ATF1: variants seen among roughly 807,000 people sequenced by gnomAD.
The protein encoded by ATF1 is cyclic AMP-dependent transcription factor ATF-1.
In ATF1, 16 loss-of-function variants were observed where a neutral mutation model predicts 34.7. The ratio of observed to expected loss-of-function variants is 0.46; its 90% confidence interval spans 0.31 to 0.70. The LOEUF (loss-of-function observed/expected upper bound fraction) is 0.70. Ranked by LOEUF, ATF1 falls within the 30% of genes least tolerant of loss-of-function variation. The pLI is 0.05. For missense variants in ATF1, 255 were observed against 321.6 expected, an observed-to-expected ratio of 0.79 and a Z score of 1.58; for synonymous variants, 105 against 113.1, an observed-to-expected ratio of 0.93 and a Z score of 0.46.
chr12:50,820,379 T>C lies in ATF1; in HGVS notation c.*600T>C, dbSNP rs1474616647. On this transcript the variant is annotated 3_prime_UTR_variant, in exon 7 of 7. Coordinates refer to ENST00000262053, the MANE Select transcript of ATF1 (RefSeq NM_005171.5). ...TAGGTTAATTATTTTTGAGGTCTTA[T>C]CCTAAAAGGCATCTAAGGTACATGA... 1 of 188,280 alleles carries C rather than the reference T, an allele frequency of 5.3e-6. No individual in the cohort carries two copies. Among genetic ancestry groups the C allele is most frequent in the Non-Finnish European group, 1.1e-5 (1 of 89,224 alleles). 11.7% of individuals were successfully genotyped at this position (188,280 alleles called of 1,614,324 possible).
At chr12:50,796,038 A>G in intron 3 of ATF1, 29 bp downstream of exon 3, 1 of 1,530,758 alleles carries the variant, frequency 6.5e-7, no homozygotes, top group South Asian at 1.2e-5. Context: ...GAAGCCCTGC[A>G]TGTTATGATA....
At chr12:50,777,001 C>T (rs1357878494) in intron 1 of ATF1, among the ~76,000 whole-genome samples, 1 of 151,906 alleles carries the variant, frequency 6.6e-6, no homozygotes, top group Admixed American at 6.6e-5. Flanking sequence ...TACAGGCATG[C>T]GACACCATAC....
At chr12:50,780,804 T>C (rs1042707763) in intron 2 of ATF1, among the ~76,000 whole-genome samples, 5 of 151,708 alleles carry the variant, frequency 3.3e-5, no homozygotes, top group African/African-American at 1.2e-4. Flanking sequence ...CTAATAAAAA[T>C]CAAAAATTAG....
At position 50,813,226 on chromosome 12, in the gene ATF1, C is replaced by G. The variant is rs139189926; in HGVS notation, c.329-784C>G. ...TTTCTACACAGTGGCTTTCTGCTAT[C>G]TTTATTAGTGATTTTCACTAGGAAG... On this transcript the variant is annotated intron_variant, in intron 4 of 6. Transcript: ENST00000262053. Among the ~76,000 whole-genome samples the G allele has an allele frequency of 5.1e-3, 780 of 152,222 alleles. 4 individuals carry two copies. Among genetic ancestry groups the G allele is most frequent in the African/African-American group, 0.017 (718 of 41,558 alleles).
intron 1 of ATF1, chr12:50,764,747 G>A (rs1167837037): frequency 2.0e-5 from 3 of 152,256 alleles, no homozygotes; most frequent in Non-Finnish European, 4.4e-5. Flanking sequence ...CAGGGTCCTC[G>A]AAGCGCGTCG....
intron 3 of ATF1, chr12:50,806,547 C>T (rs1256783500): frequency 5.9e-5 from 13 of 220,734 alleles, no homozygotes; most frequent in East Asian, 2.1e-4. Context: ...GCCACGGCAA[C>T]GCCAGATGCA....
At position 50,776,094 on chromosome 12, in the gene ATF1, T is replaced by C. The variant is rs111461231; in HGVS notation, c.-6-4046T>C. Among the ~76,000 whole-genome samples the C allele has an allele frequency of 9.7e-3, 1,474 of 151,974 alleles. 27 individuals are homozygous for C. Among genetic ancestry groups the C allele is most frequent in the African/African-American group, 0.032 (1,343 of 41,470 alleles). ...TTGGGAGGCCGAGGAGGGCGGATCA[T>C]GAGGTCAGGAGATCAAGACCATCCT... On this transcript the variant is annotated intron_variant, in intron 1 of 6. Coordinates refer to ENST00000262053, the MANE Select transcript of ATF1 (RefSeq NM_005171.5).
At chr12:50,799,462 CAA>C (rs1941472512) in intron 3 of ATF1, among the ~76,000 whole-genome samples, 1 of 152,040 alleles carries the variant, frequency 6.6e-6, no homozygotes, top group Admixed American at 6.6e-5. Context: ...GCATAATATT[CAA>C]AGAGTCCAAA....
At chr12:50,787,105 C>T (rs1941201443) in intron 2 of ATF1, among the ~76,000 whole-genome samples, 4 of 152,198 alleles carry the variant, frequency 2.6e-5, no homozygotes, top group South Asian at 2.1e-4. Flanking sequence ...CACACACACA[C>T]CCTAGTGAAG....
chr12:50,770,333 G>T (rs1181330569), intron 1 of ATF1, among the ~76,000 whole-genome samples: 1 of 152,096 alleles, frequency 6.6e-6, no homozygotes, highest in Non-Finnish European at 1.5e-5. Flanking sequence ...AAAGCCCTTT[G>T]GGGAACTGGC....
At chr12:50,815,694 A>C (rs1343028942) in intron 6 of ATF1, among the ~76,000 whole-genome samples, 1 of 152,024 alleles carries the variant, frequency 6.6e-6, no homozygotes, top group African/African-American at 2.4e-5. Flanking sequence ...CCCAGCCCCC[A>C]AAAATTTAAA....
intron 2 of ATF1, among the ~76,000 whole-genome samples, chr12:50,794,075 C>T (rs375392208): frequency 6.6e-6 from 1 of 151,736 alleles, no homozygotes; most frequent in Non-Finnish European, 1.5e-5. Context: ...CTCAGCCTCC[C>T]GAGTAGCTGG....
At chr12:50,817,366 A>G (rs571218916) in intron 6 of ATF1, among the ~76,000 whole-genome samples, 87 of 152,370 alleles carry the variant, frequency 5.7e-4, no homozygotes, top group African/African-American at 1.9e-3. Flanking sequence ...TAATCATTTC[A>G]ACATGAATAA....
At chr12:50,787,102 A>G (rs1312786183) in intron 2 of ATF1, among the ~76,000 whole-genome samples, 5 of 152,202 alleles carry the variant, frequency 3.3e-5, no homozygotes, top group Admixed American at 1.3e-4. Context: ...ACGCACACAC[A>G]CACCCTAGTG....
At chr12:50,774,106 A>G (rs1290107887) in intron 1 of ATF1, among the ~76,000 whole-genome samples, 1 of 151,428 alleles carries the variant, frequency 6.6e-6, no homozygotes, top group Non-Finnish European at 1.5e-5. Context: ...ATCTCAGCTC[A>G]CTGCAACCTT....
chr12:50,768,738 AG>A, intron 1 of ATF1, among the ~76,000 whole-genome samples: 1 of 152,374 alleles, frequency 6.6e-6, no homozygotes, highest in Admixed American at 6.5e-5. Context: ...ATGTAACTTT[AG>A]TAATCTTTAG....
intron 3 of ATF1, among the ~76,000 whole-genome samples, chr12:50,805,933 C>G (rs932078727): frequency 3.3e-5 from 5 of 152,130 alleles, no homozygotes; most frequent in Admixed American, 2.6e-4. Context: ...GGCAGATCAC[C>G]TGAGGTCGGG....
At chr12:50,764,934 G>C (rs1940594436) in intron 1 of ATF1, among the ~76,000 whole-genome samples, 1 of 152,242 alleles carries the variant, frequency 6.6e-6, no homozygotes, top group African/African-American at 2.4e-5. Flanking sequence ...AATGACACAA[G>C]GGCGTCTGTA....
At position 50,770,356 on chromosome 12, in the gene ATF1, C is replaced by T. The variant is rs1592164186; in HGVS notation, c.-7+6049C>T. Among the ~76,000 whole-genome samples, 3 of 152,170 alleles carry T rather than the reference C, an allele frequency of 2.0e-5. No homozygotes were observed. The East Asian group carries it at 5.8e-4, about 29-fold the overall frequency. ...TTGGGGAACTGGCCTCATACCTTGC[C>T]TACACAGTGCCTGTACAGGGTTTCT... is the stretch of plus-strand genomic sequence containing the variant. On this transcript the variant is annotated intron_variant, in intron 1 of 6. Transcript: ENST00000262053.
Sources: allele counts gnomAD v4.1 joint callset (sites outside exome capture counted in the v4.1 genomes callset), GRCh38; gene constraint gnomAD v4.1.1; transcripts MANE v1.5; gene names NCBI Gene and HGNC (gene_info 2026-07-23, HGNC 2026-07-21).